The following DHRSX variants were observed in gnomAD, a reference collection of about 807,000 sequenced individuals.
DHRSX encodes the protein polyprenol dehydrogenase.
DHRSX carries 31 observed loss-of-function variants against 34.0 expected under a neutral mutation model. The observed-to-expected ratio is 0.91, with a 90% CI of 0.69 to 1.23. The LOEUF is 1.23. Among genes scored for constraint, DHRSX ranks in the 50% most tolerant of loss-of-function variants. The pLI is 0.00. For synonymous variants in DHRSX, 201 were observed against 183.8 expected, an observed-to-expected ratio of 1.09 and a Z score of -0.76; for missense variants, 414 against 428.1, an observed-to-expected ratio of 0.97 and a Z score of 0.29.
intron 3 of DHRSX, among the ~76,000 whole-genome samples, chrX:2,305,263 T>C (rs1602908270): frequency 6.6e-6 from 1 of 151,876 alleles, no homozygotes; most frequent in East Asian, 1.9e-4. Flanking sequence ...TGCTCAGTAG[T>C]GAAGTACAAA....
At chrX:2,458,426 T>G (rs1182777925) in intron 1 of DHRSX, among the ~76,000 whole-genome samples, 1 of 152,066 alleles carries the variant, frequency 6.6e-6, no homozygotes, top group Non-Finnish European at 1.5e-5. Context: ...AGATATAGAA[T>G]CAACCCATGT....
chrX:2,455,741 C>CAAAAAAAA (rs752123891), intron 1 of DHRSX, among the ~76,000 whole-genome samples: 4 of 59,790 alleles, frequency 6.7e-5, no homozygotes, highest in East Asian at 4.5e-4. Context: ...AACTTCGTCT[C>CAAAAAAAA]AAAAAAAAAA....
chrX:2,403,607 G>A (rs1463215217), intron 3 of DHRSX, among the ~76,000 whole-genome samples: 1 of 152,142 alleles, frequency 6.6e-6, no homozygotes, highest in East Asian at 1.9e-4. Context: ...TGTAATCCCA[G>A]CAATTTGGGA....
intron 3 of DHRSX, chrX:2,336,290 G>A (rs1318099029): frequency 3.3e-5 from 5 of 152,190 alleles, no homozygotes. Flanking sequence ...TTACAGGCGT[G>A]AGCCACCACG....
At chrX:2,428,539 A>G (rs1221336127) in intron 1 of DHRSX, among the ~76,000 whole-genome samples, 2 of 152,102 alleles carry the variant, frequency 1.3e-5, no homozygotes, top group East Asian at 3.9e-4. Context: ...CAAACACCAC[A>G]TGTTCTCACT....
At chrX:2,238,494 C>A (rs761687146) in intron 6 of DHRSX, among the ~76,000 whole-genome samples, 2 of 152,250 alleles carry the variant, frequency 1.3e-5, no homozygotes, top group African/African-American at 4.8e-5. Flanking sequence ...TACAACCATG[C>A]CCTCAGATGA....
intron 1 of DHRSX, among the ~76,000 whole-genome samples, chrX:2,449,040 T>G (rs2044179679): frequency 6.6e-6 from 1 of 151,934 alleles, no homozygotes; most frequent in Non-Finnish European, 1.5e-5. Context: ...AATACAAAAA[T>G]TAGCTGGGTG....
chrX:2,239,973 A>G (rs775517898), intron 6 of DHRSX, among the ~76,000 whole-genome samples: 1 of 152,166 alleles, frequency 6.6e-6, no homozygotes, highest in South Asian at 2.1e-4. Context: ...TGTGAAGAAC[A>G]ACAGATCAGA....
At chrX:2,476,584 A>G (rs2044682918) in intron 1 of DHRSX, among the ~76,000 whole-genome samples, 1 of 152,180 alleles carries the variant, frequency 6.6e-6, no homozygotes, top group Non-Finnish European at 1.5e-5. Context: ...GGCAAACACC[A>G]TTCCAATAGA....
intron 4 of DHRSX, among the ~76,000 whole-genome samples, chrX:2,283,079 G>A (rs1374692296): frequency 1.3e-5 from 2 of 151,580 alleles, no homozygotes; most frequent in African/African-American, 4.9e-5. Flanking sequence ...AGAGAGAGAG[G>A]AGAAAAGCAT....
rs150941344 is a variant in DHRSX, at chrX:2,326,762, G to A, written c.287-35159C>T. Among the ~76,000 whole-genome samples the A allele has an allele frequency of 7.7e-3, 1,161 of 151,656 alleles. 22 individuals are homozygous for A. Among genetic ancestry groups the A allele is most frequent in the African/African-American group, 0.027 (1,098 of 41,368 alleles). On this transcript the variant is annotated intron_variant, in intron 3 of 6. Coordinates refer to ENST00000334651, the MANE Select transcript of DHRSX (RefSeq NM_145177.3). ...TGCCCTCAAAGGAAATTACTTTAGCGCAGTCAAAGTGAACTGGGGGAAGGG... is the reference window on the plus strand; with the variant it reads ...TGCCCTCAAAGGAAATTACTTTAGCACAGTCAAAGTGAACTGGGGGAAGGG...
At chrX:2,379,841 A>G (rs1754954480) in intron 3 of DHRSX, among the ~76,000 whole-genome samples, 1 of 151,990 alleles carries the variant, frequency 6.6e-6, no homozygotes, top group African/African-American at 2.4e-5. Context: ...ATGAACACAG[A>G]GGGATATTTG....
At chrX:2,360,347 GGCC>G (rs2042914366) in intron 3 of DHRSX, among the ~76,000 whole-genome samples, 1 of 152,238 alleles carries the variant, frequency 6.6e-6, no homozygotes, top group Non-Finnish European at 1.5e-5. Flanking sequence ...CACTTTGGGA[GGCC>G]AAGGTGGGCG....
chrX:2,310,930 G>A (rs1345109194), intron 3 of DHRSX, among the ~76,000 whole-genome samples: 1 of 151,854 alleles, frequency 6.6e-6, no homozygotes, highest in Non-Finnish European at 1.5e-5. Context: ...GCGTGGTGGC[G>A]GGCACCTGTA....
intron 3 of DHRSX, among the ~76,000 whole-genome samples, chrX:2,314,483 A>AAGGGGAGAAGGAAGGAAGGGAGGAAGGG (rs1556466908): frequency 2.2e-5 from 1 of 45,982 alleles, no homozygotes; most frequent in African/African-American, 9.6e-5. Flanking sequence ...GGAAGGAAGG[A>AAGGGGAGAAGGAAGGAAGGGAGGAAGGG]AGGAAGGGAG....
chrX:2,319,051 T>C (rs1448935941), intron 3 of DHRSX, among the ~76,000 whole-genome samples: 3 of 152,104 alleles, frequency 2.0e-5, no homozygotes, highest in Admixed American at 1.3e-4. Context: ...TTTGTGCACC[T>C]TGTAAACCAA....
intron 1 of DHRSX, among the ~76,000 whole-genome samples, chrX:2,458,789 G>A: frequency 6.6e-6 from 1 of 152,088 alleles, no homozygotes; most frequent in Middle Eastern, 3.4e-3. Context: ...CAGAAGGCCA[G>A]GAGTTTGAGA....
intron 3 of DHRSX, among the ~76,000 whole-genome samples, chrX:2,315,218 T>A (rs2042228227): frequency 6.6e-6 from 1 of 151,218 alleles, no homozygotes; most frequent in Admixed American, 6.6e-5. Context: ...CCTGGCTTGG[T>A]GCTGTCCAAA....
chrX:2,457,393 G>A (rs758181109), intron 1 of DHRSX, among the ~76,000 whole-genome samples: 84 of 142,914 alleles, frequency 5.9e-4, no homozygotes, highest in African/African-American at 1.6e-3. Context: ...AGTATGTGGC[G>A]CAAGGGACCT....
Sources: allele counts gnomAD v4.1 joint callset (sites outside exome capture counted in the v4.1 genomes callset), GRCh38; gene constraint gnomAD v4.1.1; transcripts MANE v1.5; gene names NCBI Gene and HGNC (gene_info 2026-07-23, HGNC 2026-07-21).